The following PCDHGB1 variants were observed in gnomAD, a reference collection of about 807,000 sequenced individuals.
PCDHGB1 encodes protocadherin gamma-B1.
PCDHGB1 carries 34 observed loss-of-function variants against 56.6 expected under a neutral mutation model. The ratio of observed to expected loss-of-function variants is 0.60; its 90% CI spans 0.46 to 0.80. PCDHGB1 has a LOEUF of 0.80. Ranked by LOEUF, PCDHGB1 falls within the 30% of genes least tolerant of loss-of-function variation. PCDHGB1 has a pLI of 0.00. For missense variants in PCDHGB1, 1,278 were observed against 1,204.6 expected, an observed-to-expected ratio of 1.06 and a Z score of -0.90; for synonymous variants, 561 against 505.9, an observed-to-expected ratio of 1.11 and a Z score of -1.46.
chr5:141,413,723 C>G, intron 1 of PCDHGB1: 1 of 1,613,552 alleles, frequency 6.2e-7, no homozygotes, highest in Non-Finnish European at 8.5e-7. Context: ...AAGCACTTCT[C>G]CCTAAGAGTT....
intron 1 of PCDHGB1, chr5:141,484,949 A>G: frequency 1.8e-6 from 1 of 557,402 alleles, no homozygotes; most frequent in East Asian, 3.1e-5. Flanking sequence ...TGCTCAGCCT[A>G]TTGGCTGAGC....
intron 1 of PCDHGB1, chr5:141,409,675 AG>A (rs2095301185): frequency 1.9e-6 from 3 of 1,613,304 alleles, no homozygotes; most frequent in African/African-American, 2.7e-5. Flanking sequence ...CCTACTCTAT[AG>A]TGGCGAGTGA....
At chr5:141,497,969 C>T (rs1595499086) in intron 2 of PCDHGB1, among the ~76,000 whole-genome samples, 1 of 152,160 alleles carries the variant, frequency 6.6e-6, no homozygotes. Flanking sequence ...GCAGTGTTCT[C>T]GATGTGGGAG....
rs1327490895 is a variant in PCDHGB1, at chr5:141,487,672, G to A, written c.2410-7135G>A. The stretch of plus-strand genomic sequence containing the variant: ...AGGGTTATTCTGATCCAGGCATATG[G>A]CTAGGCCATGTCCTAGAGAGTACTG... On this transcript the variant is annotated intron_variant, in intron 1 of 3. Coordinates refer to ENST00000523390, the MANE Select transcript of PCDHGB1 (RefSeq NM_018922.3). This position sits in a 1 kb window ranked among gnomAD's most constrained non-coding sequence, Gnocchi z 5.0. 6.2e-7 allele frequency: 1 copy of A among 1,611,484 alleles called. No individual in the cohort carries two copies. Among genetic ancestry groups the A allele is most frequent in the Non-Finnish European group, 8.5e-7 (1 of 1,178,612 alleles).
At chr5:141,405,082 G>A (rs376389835) in intron 1 of PCDHGB1, 21 of 1,613,674 alleles carry the variant, frequency 1.3e-5, no homozygotes, top group East Asian at 2.2e-5. Context: ...TCGTTATCAC[G>A]CTGCTGGCCC....
intron 1 of PCDHGB1, chr5:141,385,373 T>A (rs754384717): frequency 6.5e-7 from 1 of 1,529,238 alleles, no homozygotes; most frequent in African/African-American, 1.4e-5. Context: ...TTGCATGATA[T>A]TTCTCTATTA....
intron 1 of PCDHGB1, among the ~76,000 whole-genome samples, chr5:141,481,886 C>T (rs575190135): frequency 6.9e-6 from 1 of 145,360 alleles, no homozygotes; most frequent in South Asian, 2.2e-4. Context: ...TGCACTCCAG[C>T]CTGGGTGAAA....
chr5:141,430,216 A>G (rs1487666733), intron 1 of PCDHGB1, among the ~76,000 whole-genome samples: 1 of 150,536 alleles, frequency 6.6e-6, no homozygotes, highest in Non-Finnish European at 1.5e-5. Flanking sequence ...TTATTATATT[A>G]TATGATTTGT....
chr5:141,465,836 A>G (rs974075792), intron 1 of PCDHGB1, among the ~76,000 whole-genome samples: 1 of 151,774 alleles, frequency 6.6e-6, no homozygotes, highest in East Asian at 1.9e-4. Context: ...TAAAATTTCA[A>G]CTGAGGCTGG....
At chr5:141,484,916 CCTG>C (rs34524370) in intron 1 of PCDHGB1, 64,782 of 456,708 alleles carry the variant, frequency 0.14, 4,878 homozygotes, top group African/African-American at 0.18. Context: ...ACGCATTAAC[CCTG>C]CTGCTGTTGG....
intron 1 of PCDHGB1, among the ~76,000 whole-genome samples, chr5:141,424,889 G>A (rs1173725674): frequency 6.6e-6 from 1 of 152,090 alleles, no homozygotes; most frequent in Non-Finnish European, 1.5e-5. Flanking sequence ...ACTTATCTAG[G>A]GTTTTTGATC....
chr5:141,398,578 A>C (rs370163028), intron 1 of PCDHGB1: 29 of 1,613,942 alleles, frequency 1.8e-5, no homozygotes, highest in Admixed American at 3.3e-5. Context: ...GCCTGGCACA[A>C]GATTTATACT....
chr5:141,390,373 A>T, intron 1 of PCDHGB1: 1 of 1,481,208 alleles, frequency 6.8e-7, no homozygotes, highest in Non-Finnish European at 9.2e-7. Flanking sequence ...AAAATATATA[A>T]TTTTTAGATG....
intron 1 of PCDHGB1, chr5:141,419,727 C>G (rs1344063538): frequency 6.2e-7 from 1 of 1,613,582 alleles, no homozygotes; most frequent in Admixed American, 1.7e-5. Flanking sequence ...GGGCTGCGAA[C>G]AGGCGAGGTG....
intron 1 of PCDHGB1, among the ~76,000 whole-genome samples, chr5:141,456,288 G>A (rs371687260): frequency 1.4e-3 from 217 of 152,226 alleles, no homozygotes; most frequent in Middle Eastern, 6.8e-3. Context: ...GAAAAGGGGC[G>A]TCTAATGGAG....
intron 1 of PCDHGB1, chr5:141,372,738 T>C: frequency 6.2e-7 from 1 of 1,613,740 alleles, no homozygotes; most frequent in Non-Finnish European, 8.5e-7. Flanking sequence ...AGATCTTCTA[T>C]GTGATGAAGC....
chr5:141,443,317 C>CAAA (rs35054295), intron 1 of PCDHGB1, among the ~76,000 whole-genome samples: 8 of 142,020 alleles, frequency 5.6e-5, no homozygotes, highest in African/African-American at 2.1e-4. Context: ...CCCATCTCTA[C>CAAA]AAAAAAAAAA....
chr5:141,355,384 C>T (rs570057542), intron 1 of PCDHGB1: 1 of 1,614,008 alleles, frequency 6.2e-7, no homozygotes, highest in East Asian at 2.2e-5. Flanking sequence ...GCTGGCGGAG[C>T]GCGGAGTCCG....
chr5:141,449,936 T>C (rs1016569958), intron 1 of PCDHGB1, among the ~76,000 whole-genome samples: 4 of 151,978 alleles, frequency 2.6e-5, no homozygotes, highest in African/African-American at 9.6e-5. Context: ...CCTTATAGTA[T>C]ATTTTACTAT....
Sources: allele counts gnomAD v4.1 joint callset (sites outside exome capture counted in the v4.1 genomes callset), GRCh38; gene constraint gnomAD v4.1.1; non-coding constraint Gnocchi (gnomAD v3.1); transcripts MANE v1.5; gene names NCBI Gene and HGNC (gene_info 2026-07-23, HGNC 2026-07-21).